Variants in NTRK3 observed in about 807,000 individuals in gnomAD.
NTRK3 encodes neurotrophic receptor tyrosine kinase 3, also known as NT-3 growth factor receptor.
In NTRK3, 24 loss-of-function variants were observed where a neutral mutation model predicts 91.7. The ratio of observed to expected loss-of-function variants is 0.26; its 90% confidence interval spans 0.19 to 0.37. The LOEUF (loss-of-function observed/expected upper bound fraction) is 0.37. NTRK3 is among the 10% of genes least tolerant of loss of function. NTRK3 has a pLI of 1.00. For synonymous variants in NTRK3, 483 were observed against 404.0 expected (o/e 1.20, Z -2.34); for missense variants, 880 against 1,068.9 (o/e 0.82, Z 2.46).
At chr15:88,136,546 A>G (rs1028093086) in exon 8 of NTRK3, 6 of 1,613,958 alleles carry the variant, frequency 3.7e-6, no homozygotes, top group Non-Finnish European at 3.4e-6. Flanking sequence ...ATTGCAAGTG[A>G]TAACAGCGTT....
At chr15:88,069,085 G>C (rs935330602) in intron 13 of NTRK3, among the ~76,000 whole-genome samples, 3 of 152,148 alleles carry the variant, frequency 2.0e-5, no homozygotes, top group Non-Finnish European at 2.9e-5. Context: ...GGGAGATGAA[G>C]ACTGCCAAAA....
chr15:88,092,261 G>A (rs1287105166), intron 13 of NTRK3, among the ~76,000 whole-genome samples: 1 of 152,154 alleles, frequency 6.6e-6, no homozygotes, highest in Non-Finnish European at 1.5e-5. Flanking sequence ...TGGAGGGCTG[G>A]GCCACGTCTC....
At position 87,980,274 on chromosome 15, in the gene NTRK3, ATGT is replaced by A. The variant is rs376404841; in HGVS notation, c.1586-39524_1586-39522del. 3.2e-3 allele frequency among the ~76,000 whole-genome samples: 495 copies of A among 152,330 alleles called. 5 individuals carry two copies. The highest frequency in any genetic ancestry group is 0.012 in the African/African-American group (479 of 41,572). ...AGTTCCTAATAAAATTTCCAGAAAG[ATGT>A]TGTTCAATCAACTACAGATTTTAAA... On this transcript the variant is annotated intron_variant, in intron 14 of 18. Transcript: ENST00000394480.
chr15:87,871,135 C>A, exon 19 of NTRK3: 1 of 229,760 alleles, frequency 4.4e-6, no homozygotes, highest in Non-Finnish European at 8.6e-6. Flanking sequence ...TGAAGGAACA[C>A]CCCCCACCCC....
In NTRK3 at chr15:88,229,005, C is replaced by T. The variant is rs373877687; in HGVS notation, c.248+26901G>A. On this transcript the variant is annotated intron_variant, in intron 3 of 18. Coordinates refer to ENST00000394480, the Ensembl canonical transcript of NTRK3. ...CTTACCCCTCCCTGACCCTATCTGC[C>T]CCTCACCAGGACATATTGGCTGCAG... 2.6e-5 allele frequency among the ~76,000 whole-genome samples: 4 copies of T among 152,106 alleles called. No individual in the cohort carries two copies. In the East Asian group the frequency reaches 5.8e-4, roughly 22 times the overall value.
intron 14 of NTRK3, among the ~76,000 whole-genome samples, chr15:87,986,139 T>A (rs1225164039): frequency 6.6e-6 from 1 of 152,266 alleles, no homozygotes; most frequent in Non-Finnish European, 1.5e-5. Context: ...CATCTTCTTT[T>A]CTTGCTTAAC....
intron 3 of NTRK3, among the ~76,000 whole-genome samples, chr15:88,226,529 A>G (rs182196008): frequency 6.6e-6 from 1 of 152,208 alleles, no homozygotes; most frequent in Non-Finnish European, 1.5e-5. Context: ...CTGAAATTTC[A>G]GACACAAATT....
chr15:88,081,255 T>G (rs1470043374), intron 13 of NTRK3, among the ~76,000 whole-genome samples: 1 of 152,078 alleles, frequency 6.6e-6, no homozygotes, highest in Non-Finnish European at 1.5e-5. Context: ...GACCAGTACC[T>G]AGGCTCAGAA....
At chr15:88,019,202 G>A (rs933280602) in intron 14 of NTRK3, among the ~76,000 whole-genome samples, 4 of 152,124 alleles carry the variant, frequency 2.6e-5, no homozygotes, top group Non-Finnish European at 4.4e-5. Context: ...AAATGTACAC[G>A]GTATCAATGT....
intron 14 of NTRK3, among the ~76,000 whole-genome samples, chr15:87,961,419 C>G (rs1232330241): frequency 6.6e-6 from 1 of 152,248 alleles, no homozygotes; most frequent in African/African-American, 2.4e-5. Flanking sequence ...TCTGGAGACA[C>G]TCCTTCTAGG....
intron 14 of NTRK3, among the ~76,000 whole-genome samples, chr15:87,973,981 C>T (rs1016466375): frequency 7.2e-5 from 11 of 152,180 alleles, no homozygotes; most frequent in African/African-American, 2.2e-4. Context: ...TGTCTGGCTC[C>T]GTGCAGAAAG....
chr15:88,092,345 A>G (rs1458183148), intron 13 of NTRK3, among the ~76,000 whole-genome samples: 1 of 152,184 alleles, frequency 6.6e-6, no homozygotes, highest in South Asian at 2.1e-4. Flanking sequence ...AGGCCCTATT[A>G]TCAGACCTGC....
chr15:87,895,730 T>C (rs1352849005), intron 17 of NTRK3, among the ~76,000 whole-genome samples: 1 of 152,108 alleles, frequency 6.6e-6, no homozygotes, highest in Non-Finnish European at 1.5e-5. Context: ...AAGTCTGCTT[T>C]CTGAGAGATT....
At chr15:88,107,478 G>A (rs771453336) in intron 13 of NTRK3, among the ~76,000 whole-genome samples, 3 of 152,130 alleles carry the variant, frequency 2.0e-5, no homozygotes, top group Non-Finnish European at 4.4e-5. Flanking sequence ...ATAAAGGCAT[G>A]TCCCTTCCTA....
intron 13 of NTRK3, among the ~76,000 whole-genome samples, chr15:88,038,730 A>C (rs1466624892): frequency 2.0e-5 from 3 of 152,182 alleles, no homozygotes; most frequent in South Asian, 2.1e-4. Flanking sequence ...AAAAATTTTA[A>C]AATGTAAAAA....
chr15:87,974,120 C>G (rs915664588), intron 14 of NTRK3, among the ~76,000 whole-genome samples: 1 of 152,116 alleles, frequency 6.6e-6, no homozygotes, highest in African/African-American at 2.4e-5. Context: ...CTGGTCTTGA[C>G]CTGAGGGAAC....
At chr15:88,238,064 A>G (rs1381369729) in intron 3 of NTRK3, among the ~76,000 whole-genome samples, 2 of 152,126 alleles carry the variant, frequency 1.3e-5, no homozygotes, top group Admixed American at 6.5e-5. Context: ...GGACACAGGC[A>G]CACACACACA....
chr15:87,908,981 A>C (rs117322108), intron 17 of NTRK3, among the ~76,000 whole-genome samples: 3,661 of 152,088 alleles, frequency 0.024, 66 homozygotes, highest in Non-Finnish European at 0.034. Context: ...TTCTATCTAG[A>C]ATTTTCAGCC....
In NTRK3 at chr15:88,232,859, G is replaced by A. The variant is rs1017085554; in HGVS notation, c.248+23047C>T. Reference sequence around the variant, plus strand: ...GGATCATTCAACCCTAAAGAGTTTTGTGGAGTGATGTCACTACCCCCACAC... The same window carrying A: ...GGATCATTCAACCCTAAAGAGTTTTATGGAGTGATGTCACTACCCCCACAC... On this transcript the variant is annotated intron_variant, in intron 3 of 18. Transcript: ENST00000394480. 3.3e-5 allele frequency among the ~76,000 whole-genome samples: 5 copies of A among 152,216 alleles called. No homozygotes were observed. In the East Asian group the frequency reaches 7.7e-4, roughly 24 times the overall value.
Sources: gnomAD v4.1 joint callset for allele counts (sites outside exome capture counted in the v4.1 genomes callset) on GRCh38, gnomAD v4.1.1 for gene constraint, MANE v1.5 for transcripts, NCBI Gene and HGNC (gene_info 2026-07-23, HGNC 2026-07-21) for gene names.